ABCG2: variants seen among roughly 807,000 people sequenced by gnomAD.
ABCG2 encodes the protein ATP binding cassette subfamily G member 2 (JR blood group).
ABCG2 carries 80 observed loss-of-function variants against 73.5 expected under a neutral mutation model. That is an observed-to-expected ratio of 1.09 (90% CI 0.91 to 1.31). The LOEUF (loss-of-function observed/expected upper bound fraction) is 1.31. ABCG2 is among the 50% of genes most tolerant of loss of function. The pLI, the probability that ABCG2 is intolerant of heterozygous loss-of-function variation, is 0.00. For synonymous variants in ABCG2, 269 were observed against 282.4 expected (o/e 0.95, Z 0.48); for missense variants, 796 against 786.2 (o/e 1.01, Z -0.15).
intron 1 of ABCG2, among the ~76,000 whole-genome samples, chr4:88,219,011 T>G (rs1448022386): frequency 6.6e-6 from 1 of 152,174 alleles, no homozygotes; most frequent in Non-Finnish European, 1.5e-5. Flanking sequence ...ACTGCTGAGG[T>G]CCTGGGAATT....
chr4:88,176,527 T>C (rs1287886428), intron 1 of ABCG2, among the ~76,000 whole-genome samples: 1 of 143,618 alleles, frequency 7.0e-6, no homozygotes, highest in East Asian at 2.0e-4. Flanking sequence ...TTCACTCAGG[T>C]TGGAGTGTGA....
chr4:88,182,509 A>C (rs959067843), intron 1 of ABCG2, among the ~76,000 whole-genome samples: 1 of 152,186 alleles, frequency 6.6e-6, no homozygotes, highest in African/African-American at 2.4e-5. Flanking sequence ...CCACAAAGCA[A>C]GTCTTTAAAA....
intron 1 of ABCG2, among the ~76,000 whole-genome samples, chr4:88,214,442 C>T (rs1477197688): frequency 2.0e-5 from 3 of 152,136 alleles, no homozygotes; most frequent in Non-Finnish European, 4.4e-5. Flanking sequence ...AACGATGAGA[C>T]ACATGACAAA....
intron 2 of ABCG2, among the ~76,000 whole-genome samples, chr4:88,135,166 A>C (rs1725156429): frequency 6.6e-6 from 1 of 152,194 alleles, no homozygotes; most frequent in South Asian, 2.1e-4. Flanking sequence ...TCTATGGTCT[A>C]CAATTCACTG....
intron 1 of ABCG2, among the ~76,000 whole-genome samples, chr4:88,182,842 T>C: frequency 6.6e-6 from 1 of 151,922 alleles, no homozygotes. Context: ...TCCTAGCACT[T>C]TGGGAGGCCA....
chr4:88,141,709 G>A (rs1725652890), intron 1 of ABCG2, among the ~76,000 whole-genome samples: 1 of 152,070 alleles, frequency 6.6e-6, no homozygotes, highest in East Asian at 1.9e-4. Flanking sequence ...GATTCTGAAG[G>A]CTGCCTGATT....
chr4:88,099,424 G>A lies in ABCG2; in HGVS notation c.1392C>T (p.Tyr464=), dbSNP rs753589503. 2 of 1,608,402 alleles carry A rather than the reference G, an allele frequency of 1.2e-6. No homozygotes were observed. The highest frequency in any genetic ancestry group is 8.5e-7 in the Non-Finnish European group (1 of 1,178,156). The part of the protein sequence containing the change: ...LFIHEYISGY[Y]RVSSYFLGKL... Reference sequence around the variant, plus strand: ...TTCCAAGGAAATAAGATGACACTCTGTAGTATCCGCTGATGTATTCATGTC... The same window carrying A: ...TTCCAAGGAAATAAGATGACACTCTATAGTATCCGCTGATGTATTCATGTC... The change falls in exon 12 of 16, where the codon TAC becomes TAT. Residue 464 remains tyrosine, a synonymous_variant. Transcript: ENST00000237612.
intron 9 of ABCG2, among the ~76,000 whole-genome samples, chr4:88,109,349 C>T (rs1722974872): frequency 6.6e-6 from 1 of 152,184 alleles, no homozygotes; most frequent in Non-Finnish European, 1.5e-5. Context: ...TTCATTCAAA[C>T]TTGTTATCTT....
At chr4:88,139,157 G>C (rs1051871282) in intron 2 of ABCG2, among the ~76,000 whole-genome samples, 1 of 148,820 alleles carries the variant, frequency 6.7e-6, no homozygotes, top group Admixed American at 6.7e-5. Context: ...AAAAAAAAAA[G>C]TGTGAAGCCT....
chr4:88,135,089 C>T (rs1057341427), intron 2 of ABCG2, among the ~76,000 whole-genome samples: 3 of 152,158 alleles, frequency 2.0e-5, no homozygotes, highest in Admixed American at 2.0e-4. Flanking sequence ...GCATGGCCCA[C>T]AAAGCTGAAA....
upstream of ABCG2, chr4:88,158,704 C>T (rs1282577829): frequency 2.2e-6 from 1 of 454,176 alleles, no homozygotes; most frequent in Non-Finnish European, 4.4e-6. Context: ...GCGCGCGGCA[C>T]AACCCCTTCC....
chr4:88,148,255 G>T (rs1475749768), intron 1 of ABCG2, among the ~76,000 whole-genome samples: 2 of 152,118 alleles, frequency 1.3e-5, no homozygotes, highest in Non-Finnish European at 2.9e-5. Context: ...TTGGGTATAT[G>T]CACCCAAAGG....
At chr4:88,194,442 C>G (rs577466596) in intron 1 of ABCG2, among the ~76,000 whole-genome samples, 1 of 150,732 alleles carries the variant, frequency 6.6e-6, no homozygotes, top group Admixed American at 6.7e-5. Context: ...CCCAGCTACT[C>G]GGGAGGCTGA....
chr4:88,121,576 A>T, intron 6 of ABCG2, 59 bp downstream of exon 6: 1 of 1,501,948 alleles, frequency 6.7e-7, no homozygotes, highest in Non-Finnish European at 9.1e-7. Flanking sequence ...CCCCAAGAAT[A>T]TCTGGGACAT....
chr4:88,123,479 G>A (rs541537550), intron 5 of ABCG2, among the ~76,000 whole-genome samples: 1 of 152,184 alleles, frequency 6.6e-6, no homozygotes, highest in South Asian at 2.1e-4. Flanking sequence ...ATGACCTGAT[G>A]AAGCTGAAAA....
chr4:88,129,736 T>C (rs1204792398), intron 5 of ABCG2, among the ~76,000 whole-genome samples: 2 of 152,196 alleles, frequency 1.3e-5, no homozygotes, highest in African/African-American at 4.8e-5. Context: ...GTAAGGGATA[T>C]CACAGGGGAT....
intron 1 of ABCG2, among the ~76,000 whole-genome samples, chr4:88,187,392 C>G (rs1728509357): frequency 6.6e-6 from 1 of 152,000 alleles, no homozygotes; most frequent in South Asian, 2.1e-4. Flanking sequence ...GTGGGCGGAT[C>G]TCTTGAGGTC....
intron 1 of ABCG2, among the ~76,000 whole-genome samples, chr4:88,217,838 T>C (rs988987348): frequency 6.6e-6 from 1 of 151,990 alleles, no homozygotes; most frequent in South Asian, 2.1e-4. Context: ...CAGTAGCATG[T>C]TCCTGTAGTC....
chr4:88,229,548 G>A (rs1212351384), intron 1 of ABCG2, among the ~76,000 whole-genome samples: 1 of 152,136 alleles, frequency 6.6e-6, no homozygotes, highest in Non-Finnish European at 1.5e-5. Flanking sequence ...AAAGATACAA[G>A]CTTCTACTCT....
Sources: gnomAD v4.1 joint callset for allele counts (sites outside exome capture counted in the v4.1 genomes callset) on GRCh38, gnomAD v4.1.1 for gene constraint, MANE v1.5 for transcripts, NCBI Gene and HGNC (gene_info 2026-07-23, HGNC 2026-07-21) for gene names.